Variants in CCDC15 observed in about 807,000 individuals in gnomAD.
The protein encoded by CCDC15 is coiled-coil domain-containing protein 15.
Under a neutral mutation model 114.5 loss-of-function variants are expected in CCDC15, and 105 were observed. The ratio of observed to expected loss-of-function variants is 0.92; its 90% CI spans 0.78 to 1.08. The LOEUF is 1.08. CCDC15 is among the 50% of genes least tolerant of loss of function. CCDC15 has a pLI of 0.00. For missense variants in CCDC15, 1,105 were observed against 1,093.6 expected (o/e 1.01, Z -0.15); for synonymous variants, 334 against 377.8 (o/e 0.88, Z 1.34).
intron 13 of CCDC15, among the ~76,000 whole-genome samples, chr11:125,007,329 G>A (rs1172527838): frequency 6.6e-6 from 1 of 152,132 alleles, no homozygotes; most frequent in East Asian, 1.9e-4. Flanking sequence ...GAGAACATGC[G>A]ATGTTTGTCT....
At chr11:125,002,937 A>G (rs1279256291) in intron 11 of CCDC15, among the ~76,000 whole-genome samples, 2 of 152,080 alleles carry the variant, frequency 1.3e-5, no homozygotes, top group Non-Finnish European at 2.9e-5. Context: ...CCAAGAATCA[A>G]CTGACATTTT....
chr11:124,993,088 T>G lies in CCDC15; in HGVS notation c.2140-81T>G, dbSNP rs1948297641. 4 of 810,676 alleles carry G rather than the reference T, an allele frequency of 4.9e-6. No individual in the cohort carries two copies. In the East Asian group the frequency reaches 1.1e-4, roughly 21 times the overall value. The allele number at this position is 810,676 out of a possible 1,614,324, so 50.2% of individuals were successfully genotyped here. A position where few individuals can be genotyped will look rare whatever the true frequency, so the allele number is the denominator to read the frequency against. ...CTCACCTAGTGTCATTACTCTGGGA[T>G]TGTCACTGAAGTCTATAATACTGTC... On this transcript the variant is annotated intron_variant, in intron 10 of 15. Transcript: ENST00000344762.
At chr11:125,033,282 G>A (rs1948753482) in intron 13 of CCDC15, among the ~76,000 whole-genome samples, 1 of 152,198 alleles carries the variant, frequency 6.6e-6, no homozygotes, top group Non-Finnish European at 1.5e-5. Context: ...TAATTAGCCA[G>A]TGCCAGAGCT....
intron 4 of CCDC15, among the ~76,000 whole-genome samples, chr11:124,969,580 TTC>T (rs1205281340): frequency 6.6e-6 from 1 of 152,228 alleles, no homozygotes; most frequent in East Asian, 1.9e-4. Flanking sequence ...TCTATTTTTA[TTC>T]TCTCTTTACA....
chr11:125,008,362 GT>G (rs1441179918), intron 13 of CCDC15, among the ~76,000 whole-genome samples: 2 of 152,166 alleles, frequency 1.3e-5, no homozygotes, highest in Non-Finnish European at 2.9e-5. Flanking sequence ...ATTGACTTTT[GT>G]ATATTAAACT....
intron 13 of CCDC15, among the ~76,000 whole-genome samples, chr11:125,009,143 C>T (rs919871201): frequency 6.6e-6 from 1 of 150,932 alleles, no homozygotes; most frequent in African/African-American, 2.4e-5. Context: ...AGGGGAATCA[C>T]TTGAACACGG....
At position 124,998,008 on chromosome 11, in the gene CCDC15, G is replaced by A. The variant is rs576829169; in HGVS notation, c.2214+4765G>A. Among the ~76,000 whole-genome samples the A allele has an allele frequency of 7.2e-5, 11 of 152,264 alleles. No homozygotes were observed. In the South Asian group the frequency reaches 1.7e-3, roughly 23 times the overall value. ...AAGGAAATGAGGAACATGGAAACTGGGGGAAAGGTAATCCTTGTTATTTAG... is the reference window on the plus strand; with the variant it reads ...AAGGAAATGAGGAACATGGAAACTGAGGGAAAGGTAATCCTTGTTATTTAG... On this transcript the variant is annotated intron_variant, in intron 11 of 15. Coordinates refer to ENST00000344762, the MANE Select transcript of CCDC15 (RefSeq NM_025004.3).
At chr11:124,988,251 A>T (rs1017874976) in intron 8 of CCDC15, 117 bp downstream of exon 8, 1 of 1,071,168 alleles carries the variant, frequency 9.3e-7, no homozygotes, top group Non-Finnish European at 1.3e-6. Context: ...GTTCCAGGCC[A>T]TTGCAATAAA....
At chr11:124,984,065 T>C (rs1948117309) in intron 6 of CCDC15, among the ~76,000 whole-genome samples, 1 of 151,842 alleles carries the variant, frequency 6.6e-6, no homozygotes, top group Non-Finnish European at 1.5e-5. Context: ...GCATTGGCAG[T>C]AGTGACACAC....
rs1215668458 is a variant in CCDC15 at position 125,041,030 on chromosome 11, C to T, written c.*319C>T. 1.0e-5 allele frequency: 2 copies of T among 196,672 alleles called. No homozygotes were observed. Among genetic ancestry groups the T allele is most frequent in the Non-Finnish European group, 2.1e-5 (2 of 96,430 alleles). The allele number at this position is 196,672 out of a possible 1,614,324, so 12.2% of individuals were successfully genotyped here. On this transcript the variant is annotated 3_prime_UTR_variant, in exon 16 of 16. Transcript: ENST00000344762. ...AAGTCTTTGAGATTCTCTTATTTAT[C>T]ATCTTTCTAAAACTGTGTTTTTGAG...
chr11:125,013,264 T>C (rs1443301136), intron 13 of CCDC15, among the ~76,000 whole-genome samples: 1 of 152,176 alleles, frequency 6.6e-6, no homozygotes, highest in African/African-American at 2.4e-5. Flanking sequence ...TGCCAGATGG[T>C]CAAGGAGCTT....
chr11:125,034,369 C>G (rs183864050), intron 13 of CCDC15, among the ~76,000 whole-genome samples: 1,738 of 151,734 alleles, frequency 0.011, 27 homozygotes, highest in African/African-American at 0.039. Flanking sequence ...CAAGGCTGTG[C>G]ATGCACCTTT....
chr11:125,021,834 T>C (rs936397322), intron 13 of CCDC15, among the ~76,000 whole-genome samples: 1 of 151,942 alleles, frequency 6.6e-6, no homozygotes, highest in African/African-American at 2.4e-5. Flanking sequence ...ATAATTCGTA[T>C]AGAGAATTAC....
At chr11:125,001,062 A>G (rs1339847169) in intron 11 of CCDC15, among the ~76,000 whole-genome samples, 1 of 152,242 alleles carries the variant, frequency 6.6e-6, no homozygotes, top group East Asian at 1.9e-4. Context: ...AAGGTACACC[A>G]CTGCCTTTTT....
chr11:124,955,413 T>C (rs1012122829), intron 2 of CCDC15, among the ~76,000 whole-genome samples: 1 of 152,194 alleles, frequency 6.6e-6, no homozygotes. Flanking sequence ...AACTAGAAAT[T>C]CCATGGTTTC....
Position 124,992,643 on chromosome 11 carries a change from T to C in CCDC15, c.2095T>C (p.Tyr699His). 6.3e-7 allele frequency: 1 copy of C among 1,599,790 alleles called. No individual in the cohort carries two copies. Reference sequence around the variant, plus strand: ...AGAATTGCCTCTGGACTATCATCAATATGTTGTACCTAAAATCCAGGACCA... The same window carrying C: ...AGAATTGCCTCTGGACTATCATCAACATGTTGTACCTAAAATCCAGGACCA... ...REELPLDYHQ[Y>H]VVPKIQDQDS... The change falls in exon 10 of 16, where the codon TAT becomes CAT. Residue 699 changes from tyrosine to histidine, a missense_variant. Coordinates refer to ENST00000344762, the MANE Select transcript of CCDC15 (RefSeq NM_025004.3).
intron 13 of CCDC15, among the ~76,000 whole-genome samples, chr11:125,018,957 A>G (rs1948645349): frequency 6.6e-6 from 1 of 152,040 alleles, no homozygotes; most frequent in African/African-American, 2.4e-5. Context: ...ATAGCACTGC[A>G]AAAGCAGTGC....
intron 12 of CCDC15, among the ~76,000 whole-genome samples, chr11:125,004,253 CT>C (rs1022403514): frequency 1.3e-5 from 2 of 148,654 alleles, no homozygotes; most frequent in African/African-American, 2.5e-5. Context: ...TTATGGCTTT[CT>C]TTTTTTTTTC....
intron 11 of CCDC15, among the ~76,000 whole-genome samples, chr11:124,995,314 C>T (rs1472234704): frequency 6.6e-6 from 1 of 152,158 alleles, no homozygotes; most frequent in Non-Finnish European, 1.5e-5. Context: ...TCTATCCTTG[C>T]ATTCTGTTTG....
Sources: gnomAD v4.1 joint callset for allele counts (sites outside exome capture counted in the v4.1 genomes callset) on GRCh38, gnomAD v4.1.1 for gene constraint, MANE v1.5 for transcripts, NCBI Gene and HGNC (gene_info 2026-07-23, HGNC 2026-07-21) for gene names.